The following ADGRB3 variants were observed in gnomAD, a reference collection of about 807,000 sequenced individuals.
The protein encoded by ADGRB3 is brain-specific angiogenesis inhibitor 3.
A neutral mutation model predicts 193.4 loss-of-function variants in ADGRB3; 37 were observed. The ratio of observed to expected loss-of-function variants is 0.19; its 90% CI spans 0.15 to 0.25. The LOEUF (loss-of-function observed/expected upper bound fraction) is 0.25. Ranked by LOEUF, ADGRB3 falls within the 10% of genes least tolerant of loss-of-function variation. The pLI is 1.00. For missense variants in ADGRB3, 1,637 were observed against 1,852.9 expected (o/e 0.88, Z 2.14); for synonymous variants, 690 against 644.2 (o/e 1.07, Z -1.08).
At chr6:69,228,588 C>T (rs1221345460) in intron 17 of ADGRB3, among the ~76,000 whole-genome samples, 1 of 152,106 alleles carries the variant, frequency 6.6e-6, no homozygotes. Flanking sequence ...ACTCCAGGCC[C>T]AACATAGTGG....
At chr6:69,122,640 A>G (rs945405857) in intron 17 of ADGRB3, among the ~76,000 whole-genome samples, 19 of 152,036 alleles carry the variant, frequency 1.2e-4, no homozygotes, top group Non-Finnish European at 2.2e-4. Context: ...ATAAAGTTAG[A>G]TGCAACCTTT....
chr6:69,172,226 C>T (rs564311583), intron 17 of ADGRB3, among the ~76,000 whole-genome samples: 3 of 152,092 alleles, frequency 2.0e-5, no homozygotes, highest in African/African-American at 4.8e-5. Context: ...GTACTTTGAT[C>T]TTTTATATTA....
At chr6:68,649,114 A>G (rs935996310) in intron 3 of ADGRB3, among the ~76,000 whole-genome samples, 5 of 152,178 alleles carry the variant, frequency 3.3e-5, no homozygotes, top group African/African-American at 1.2e-4. Context: ...TTTACTACAA[A>G]TCAGATCAAA....
intron 26 of ADGRB3, among the ~76,000 whole-genome samples, chr6:69,353,641 A>G (rs1000407260): frequency 6.6e-6 from 1 of 152,270 alleles, no homozygotes; most frequent in Non-Finnish European, 1.5e-5. Context: ...GGCAAGAATT[A>G]TTAGTGTTGA....
intron 3 of ADGRB3, among the ~76,000 whole-genome samples, chr6:68,657,781 G>A (rs997521987): frequency 7.3e-5 from 11 of 151,470 alleles, no homozygotes; most frequent in African/African-American, 2.2e-4. Context: ...ATGCAAATTT[G>A]TATAGATCTT....
At chr6:69,256,477 C>T (rs13212773) in intron 20 of ADGRB3, among the ~76,000 whole-genome samples, 8 of 151,942 alleles carry the variant, frequency 5.3e-5, no homozygotes, top group Admixed American at 3.3e-4. Context: ...TGTGAATGGG[C>T]GTTCACTCAT....
intron 20 of ADGRB3, among the ~76,000 whole-genome samples, chr6:69,271,571 C>A (rs967073710): frequency 6.6e-6 from 1 of 152,058 alleles, no homozygotes; most frequent in Non-Finnish European, 1.5e-5. Flanking sequence ...ATCCAAGTTC[C>A]CTTAATTATG....
At chr6:69,328,582 A>C (rs535729704) in intron 22 of ADGRB3, among the ~76,000 whole-genome samples, 1 of 152,236 alleles carries the variant, frequency 6.6e-6, no homozygotes, top group Non-Finnish European at 1.5e-5. Flanking sequence ...TTAAAAGCAT[A>C]TGTTTTAAAG....
At chr6:69,141,790 T>A (rs1026563918) in intron 17 of ADGRB3, among the ~76,000 whole-genome samples, 2 of 152,176 alleles carry the variant, frequency 1.3e-5, no homozygotes, top group African/African-American at 4.8e-5. Context: ...ATTAAGAAAT[T>A]TAGAAATTAG....
intron 5 of ADGRB3, among the ~76,000 whole-genome samples, chr6:68,938,180 G>A (rs1767532297): frequency 6.6e-6 from 1 of 151,826 alleles, no homozygotes; most frequent in Non-Finnish European, 1.5e-5. Flanking sequence ...AGGCTCAGTG[G>A]AAATCAAACT....
chr6:68,972,501 T>G (rs1337641796), intron 8 of ADGRB3, among the ~76,000 whole-genome samples: 2 of 152,178 alleles, frequency 1.3e-5, no homozygotes, highest in Non-Finnish European at 2.9e-5. Context: ...TCCTCTGGAT[T>G]CAATATGTAA....
intron 29 of ADGRB3, among the ~76,000 whole-genome samples, chr6:69,362,176 CT>C (rs1213207044): frequency 1.3e-5 from 2 of 151,852 alleles, no homozygotes; most frequent in African/African-American, 4.8e-5. Flanking sequence ...ACCACATGGC[CT>C]TTTTGTTTTC....
Position 68,745,026 on chromosome 6 carries a change from T to C in ADGRB3, c.757+105594T>C, listed in dbSNP as rs1766056524. On this transcript the variant is annotated intron_variant, in intron 3 of 31. Coordinates refer to ENST00000370598, the MANE Select transcript of ADGRB3 (RefSeq NM_001704.3). ...AAAGTGCCCCAGGTCTCCTATTACCTATAGCCTGTGGGTGAGTGGTTACAC... is the reference window on the plus strand; with the variant it reads ...AAAGTGCCCCAGGTCTCCTATTACCCATAGCCTGTGGGTGAGTGGTTACAC... Among the ~76,000 whole-genome samples the C allele has an allele frequency of 2.0e-5, 3 of 152,128 alleles. No individual in the cohort carries two copies. The South Asian group carries it at 6.2e-4, about 31-fold the overall frequency.
intron 17 of ADGRB3, among the ~76,000 whole-genome samples, chr6:69,201,378 A>G (rs1765413856): frequency 6.6e-6 from 1 of 151,964 alleles, no homozygotes; most frequent in South Asian, 2.1e-4. Context: ...TTTCTGTTAC[A>G]TATGGCCCTT....
intron 3 of ADGRB3, among the ~76,000 whole-genome samples, chr6:68,811,381 G>A (rs79471550): frequency 0.023 from 3,467 of 152,150 alleles, 47 homozygotes; most frequent in African/African-American, 0.04. Context: ...ACAAAAATAA[G>A]GTTTATATTT....
At chr6:69,014,579 A>T (rs188747248) in intron 12 of ADGRB3, among the ~76,000 whole-genome samples, 3 of 152,106 alleles carry the variant, frequency 2.0e-5, no homozygotes, top group Admixed American at 2.0e-4. Context: ...ATTTTTTAAA[A>T]ATCTTTTTGT....
intron 17 of ADGRB3, among the ~76,000 whole-genome samples, chr6:69,130,014 T>A (rs1218713458): frequency 6.6e-6 from 1 of 152,124 alleles, no homozygotes; most frequent in Non-Finnish European, 1.5e-5. Flanking sequence ...TTCAGGTTGC[T>A]ATAACAAAAT....
chr6:69,071,484 CAA>C (rs1279163626), intron 16 of ADGRB3, among the ~76,000 whole-genome samples: 3 of 152,060 alleles, frequency 2.0e-5, no homozygotes, highest in Non-Finnish European at 2.9e-5. Context: ...TGAAGTCACT[CAA>C]GAGTGGTATG....
chr6:69,105,274 A>G (rs575241597), intron 17 of ADGRB3, among the ~76,000 whole-genome samples: 2 of 152,174 alleles, frequency 1.3e-5, no homozygotes, highest in Non-Finnish European at 2.9e-5. Context: ...TTCAGCCTCT[A>G]AAATTTCCAG....
Sources: allele counts gnomAD v4.1 joint callset (sites outside exome capture counted in the v4.1 genomes callset), GRCh38; gene constraint gnomAD v4.1.1; transcripts MANE v1.5; gene names NCBI Gene and HGNC (gene_info 2026-07-23, HGNC 2026-07-21).